The following CCDC69 variants were observed in gnomAD, a reference collection of about 807,000 sequenced individuals.
The protein encoded by CCDC69 is coiled-coil domain containing 69, also known as coiled-coil domain-containing protein 69.
A neutral mutation model predicts 40.3 loss-of-function variants in CCDC69; 38 were observed. That is an observed-to-expected ratio of 0.94 (90% confidence interval 0.73 to 1.24). The LOEUF is 1.24. CCDC69 is among the 50% of genes most tolerant of loss of function. CCDC69 has a pLI of 0.00. For missense variants in CCDC69, 389 were observed against 357.9 expected (o/e 1.09, Z -0.70); for synonymous variants, 141 against 138.9 (o/e 1.02, Z -0.11).
chr5:151,222,569 C>T (rs532950394), intron 1 of CCDC69, among the ~76,000 whole-genome samples: 1 of 152,234 alleles, frequency 6.6e-6, no homozygotes, highest in East Asian at 1.9e-4. Flanking sequence ...CAGGGAGACA[C>T]AAGGGCTTGC....
At chr5:151,184,277 C>A in intron 8 of CCDC69, 67 bp downstream of exon 8, 1 of 1,206,478 alleles carries the variant, frequency 8.3e-7, no homozygotes, top group Non-Finnish European at 1.2e-6. Flanking sequence ...CCCTCTAAGA[C>A]TCTCCCAGCT....
chr5:151,197,254 A>G (rs1222612141), intron 4 of CCDC69, among the ~76,000 whole-genome samples: 2 of 152,222 alleles, frequency 1.3e-5, no homozygotes, highest in Non-Finnish European at 2.9e-5. Flanking sequence ...TAGGCTGGGC[A>G]CAATGGCTCA....
intron 8 of CCDC69, 50 bp from the exon 9 acceptor site, chr5:151,183,664 A>G (rs758817604): frequency 2.0e-6 from 3 of 1,526,092 alleles, no homozygotes; most frequent in Non-Finnish European, 1.8e-6. Flanking sequence ...CAGCTGCCAC[A>G]GAGACCAACC....
chr5:151,222,022 T>A (rs1372162929), intron 1 of CCDC69, among the ~76,000 whole-genome samples: 1 of 152,254 alleles, frequency 6.6e-6, no homozygotes, highest in Non-Finnish European at 1.5e-5. Context: ...CATGCCAGGC[T>A]GTTCTCTGAG....
At chr5:151,212,770 T>C (rs1441084707) in intron 1 of CCDC69, 1 of 456,024 alleles carries the variant, frequency 2.2e-6, no homozygotes, top group South Asian at 1.5e-5. Flanking sequence ...AGGAATGTCA[T>C]GGGTAGAAGC....
chr5:151,203,789 A>ATATATATAGTATATATAATATATATCG lies in CCDC69; in HGVS notation c.124+1584_124+1610dup, dbSNP rs1561602354. ...TAGTATATATATACTAATAAATAAA[A>ATATATATAGTATATATAATATATATCG]TATATATAGTATATATAATATATAT... On this transcript the variant is annotated intron_variant, in intron 2 of 8. Coordinates refer to ENST00000355417, the MANE Select transcript of CCDC69 (RefSeq NM_015621.3). 1.5e-4 allele frequency among the ~76,000 whole-genome samples: 20 copies of ATATATATAGTATATATAATATATATCG among 134,718 alleles called. No homozygotes were observed. In the East Asian group the frequency reaches 3.2e-3, roughly 21 times the overall value. 88.4% of individuals were successfully genotyped at this position (134,718 alleles called of 152,430 possible).
chr5:151,191,466 A>C (rs1752610167), intron 4 of CCDC69, among the ~76,000 whole-genome samples: 1 of 152,212 alleles, frequency 6.6e-6, no homozygotes. Context: ...CCATACCCTG[A>C]GTCATGAAAC....
chr5:151,212,040 A>C (rs1752960236), intron 1 of CCDC69: 1 of 126,840 alleles, frequency 7.9e-6, no homozygotes, highest in East Asian at 2.4e-4. Context: ...TGGGAGGGGG[A>C]CATAAGAATT....
chr5:151,208,586 T>G (rs1440023038), intron 1 of CCDC69, among the ~76,000 whole-genome samples: 4 of 152,158 alleles, frequency 2.6e-5, no homozygotes, highest in Non-Finnish European at 4.4e-5. Flanking sequence ...CAATCCTCCC[T>G]TTCCAGGGAA....
At chr5:151,220,960 C>T (rs1753126748) in intron 1 of CCDC69, among the ~76,000 whole-genome samples, 1 of 152,158 alleles carries the variant, frequency 6.6e-6, no homozygotes. Flanking sequence ...GATGTGACCA[C>T]ATTAGCCATG....
At chr5:151,219,296 C>T (rs1477564082) in intron 1 of CCDC69, among the ~76,000 whole-genome samples, 7 of 152,172 alleles carry the variant, frequency 4.6e-5, no homozygotes, top group Non-Finnish European at 2.9e-5. Flanking sequence ...CTGAGTAACT[C>T]GCCTGCCCCA....
intron 1 of CCDC69, among the ~76,000 whole-genome samples, chr5:151,219,799 T>C (rs1753109900): frequency 6.6e-6 from 1 of 152,140 alleles, no homozygotes; most frequent in African/African-American, 2.4e-5. Context: ...ATCAGAACAA[T>C]TCCATTTTTT....
rs182942290 is a variant in CCDC69 at position 151,206,622 on chromosome 5, C to T, written c.49-1147G>A. Among the ~76,000 whole-genome samples the T allele has an allele frequency of 3.9e-5, 6 of 152,236 alleles. No individual in the cohort carries two copies. In the East Asian group the frequency reaches 1.2e-3, roughly 29 times the overall value. On this transcript the variant is annotated intron_variant, in intron 1 of 8. Coordinates refer to ENST00000355417, the MANE Select transcript of CCDC69 (RefSeq NM_015621.3). ...TTGAGACTGAGTCTTGCTCTGTCGC[C>T]CAGGCTGGAGTGCGGTGGTGTGATC...
intron 1 of CCDC69, among the ~76,000 whole-genome samples, chr5:151,213,496 C>CCG (rs1198788614): frequency 2.0e-5 from 3 of 151,978 alleles, no homozygotes; most frequent in Non-Finnish European, 4.4e-5. Flanking sequence ...TAGTGATCCA[C>CCG]CCGCCTCGGC....
intron 1 of CCDC69, chr5:151,212,270 T>C (rs1752965682): frequency 6.5e-6 from 1 of 153,744 alleles, no homozygotes; most frequent in East Asian, 1.9e-4. Context: ...GTAAGTCATG[T>C]TCCTTCTCAG....
At chr5:151,215,200 C>G (rs1753019237) in intron 1 of CCDC69, among the ~76,000 whole-genome samples, 1 of 152,174 alleles carries the variant, frequency 6.6e-6, no homozygotes, top group African/African-American at 2.4e-5. Context: ...AACTGGAAGG[C>G]CAGAGCCAAG....
chr5:151,183,927 C>T (rs941041880), intron 8 of CCDC69, among the ~76,000 whole-genome samples: 1 of 152,152 alleles, frequency 6.6e-6, no homozygotes, highest in Non-Finnish European at 1.5e-5. Context: ...AAGAATAGGA[C>T]CCAGCTCTTA....
chr5:151,208,940 C>T (rs1031464609), intron 1 of CCDC69, among the ~76,000 whole-genome samples: 4 of 152,206 alleles, frequency 2.6e-5, no homozygotes, highest in African/African-American at 4.8e-5. Flanking sequence ...CAGCTCCTCT[C>T]AACAGCACTG....
rs1376552656 is a variant in CCDC69, at chr5:151,198,291, G to GATCGATCT, written c.319+705_319+706insAGATCGAT. 4.2e-4 allele frequency among the ~76,000 whole-genome samples: 59 copies of GATCGATCT among 141,824 alleles called. 1 individual carries two copies. The highest frequency in any genetic ancestry group is 1.2e-3 in the African/African-American group (47 of 39,232). The allele number at this position is 141,824 out of a possible 152,430, so 93.0% of individuals were successfully genotyped here. A position where few individuals can be genotyped will look rare whatever the true frequency, so the allele number is the denominator to read the frequency against. On this transcript the variant is annotated intron_variant, in intron 4 of 8. Transcript: ENST00000355417. ...GACTGGAGCTCTAGAGAATGAGATT[G>GATCGATCT]ATCTATCTATCTATCTATCTATCTA...
Sources: allele counts gnomAD v4.1 joint callset (sites outside exome capture counted in the v4.1 genomes callset), GRCh38; gene constraint gnomAD v4.1.1; transcripts MANE v1.5; gene names NCBI Gene and HGNC (gene_info 2026-07-23, HGNC 2026-07-21).